Variants in STAB2 observed in about 807,000 individuals in gnomAD.
STAB2 encodes stabilin-2.
A neutral mutation model predicts 338.1 loss-of-function variants in STAB2; 288 were observed. The ratio of observed to expected loss-of-function variants is 0.85; its 90% CI spans 0.77 to 0.94. The LOEUF (loss-of-function observed/expected upper bound fraction) is 0.94, where lower values mean the gene tolerates loss of function less well. Among genes scored for constraint, STAB2 ranks in the 40% least tolerant of loss-of-function variants. The pLI is 0.00. For synonymous variants in STAB2, 1,202 were observed against 1,193.3 expected, an observed-to-expected ratio of 1.01 and a Z score of -0.15; for missense variants, 3,141 against 3,210.1, an observed-to-expected ratio of 0.98 and a Z score of 0.52.
At chr12:103,616,054 T>C (rs147688105) in intron 3 of STAB2, among the ~76,000 whole-genome samples, 401 of 152,322 alleles carry the variant, frequency 2.6e-3, no homozygotes, top group African/African-American at 9.3e-3. Context: ...CCAAACACCT[T>C]GTCCAGTGAA....
At position 103,733,196 on chromosome 12, in the gene STAB2, A is replaced by C. The variant is rs537554017; in HGVS notation, c.5460+14A>C. On this transcript the variant is annotated intron_variant, in intron 51 of 68. Coordinates refer to ENST00000388887, the MANE Select transcript of STAB2 (RefSeq NM_017564.10). ...CGAGATGCCAAGGTATTTAGTTTAC[A>C]TGCAGACATAAGTGCAAGAATGTCC... is the stretch of plus-strand genomic sequence containing the variant. 1 of 1,612,924 alleles carries C rather than the reference A, an allele frequency of 6.2e-7. No homozygotes were observed. Among genetic ancestry groups the C allele is most frequent in the Non-Finnish European group, 8.5e-7 (1 of 1,179,314 alleles).
intron 52 of STAB2, 123 bp downstream of exon 52, chr12:103,735,703 T>A: frequency 1.3e-6 from 1 of 752,404 alleles, no homozygotes; most frequent in Non-Finnish European, 2.1e-6. Context: ...GGGCTCATTT[T>A]TTTTCTCACT....
intron 36 of STAB2, 23 bp from the exon 37 acceptor site, chr12:103,705,609 A>G (rs780946468): frequency 6.2e-6 from 10 of 1,610,350 alleles, no homozygotes; most frequent in Non-Finnish European, 8.5e-6. Context: ...TTAGGAGCTG[A>G]CGTAGTCATT....
chr12:103,661,266 GT>G (rs1353099946), intron 17 of STAB2, among the ~76,000 whole-genome samples: 4 of 150,736 alleles, frequency 2.7e-5, no homozygotes, highest in Admixed American at 2.6e-4. Flanking sequence ...AGACCCTGAG[GT>G]CAGGGGAACA....
intron 55 of STAB2, among the ~76,000 whole-genome samples, chr12:103,741,582 T>C (rs1882588610): frequency 6.6e-6 from 1 of 152,198 alleles, no homozygotes; most frequent in Admixed American, 6.5e-5. Flanking sequence ...GCCTCTCAAG[T>C]AGCTGGGACT....
chr12:103,749,192 C>A (rs757426219), intron 59 of STAB2, 36 bp downstream of exon 59: 3 of 1,562,348 alleles, frequency 1.9e-6, no homozygotes, highest in South Asian at 1.2e-5. Context: ...TTGGGAGCAG[C>A]GCCGTGGGCT....
At chr12:103,757,060 A>G (rs1489132892) in intron 63 of STAB2, among the ~76,000 whole-genome samples, 1 of 147,328 alleles carries the variant, frequency 6.8e-6, no homozygotes, top group East Asian at 2.0e-4. Context: ...ATGTAAATAT[A>G]TATTTTAAAA....
At chr12:103,752,524 T>G (rs1883757048) in intron 60 of STAB2, among the ~76,000 whole-genome samples, 1 of 152,224 alleles carries the variant, frequency 6.6e-6, no homozygotes, top group South Asian at 2.1e-4. Flanking sequence ...AGGAAAGGTA[T>G]CAGCTATGAA....
At chr12:103,686,432 C>T (rs1877440016) in intron 27 of STAB2, among the ~76,000 whole-genome samples, 1 of 152,200 alleles carries the variant, frequency 6.6e-6, no homozygotes, top group African/African-American at 2.4e-5. Flanking sequence ...CACGACGTCC[C>T]TCTCCTCCCA....
intron 30 of STAB2, among the ~76,000 whole-genome samples, chr12:103,691,649 C>T (rs1877947097): frequency 6.6e-6 from 1 of 152,188 alleles, no homozygotes; most frequent in Non-Finnish European, 1.5e-5. Flanking sequence ...ATATCCCAGG[C>T]CCTACAGATT....
intron 3 of STAB2, among the ~76,000 whole-genome samples, chr12:103,613,515 C>A (rs186519209): frequency 6.6e-6 from 1 of 152,110 alleles, no homozygotes; most frequent in Non-Finnish European, 1.5e-5. Context: ...CCTGGTGTGC[C>A]GTTTGCTAAG....
rs976998924 is a variant in STAB2 at position 103,699,129 on chromosome 12, G to A, written c.3616G>A (p.Glu1206Lys). 2.5e-6 allele frequency: 4 copies of A among 1,611,960 alleles called. No individual in the cohort carries two copies. Among genetic ancestry groups the A allele is most frequent in the Non-Finnish European group, 2.5e-6 (3 of 1,178,500 alleles). The change falls in exon 34 of 69, where the codon GAG becomes AAG. Residue 1206 changes from glutamate to lysine, a missense_variant. Glu to Lys is a moderately conservative substitution (Grantham distance 56). Transcript: ENST00000388887. ...CGTCCTCCGGTATCATGTGGTCCTGGAGGAGAAACTCCTGAAGAATGACCT... is the reference window on the plus strand; with the variant it reads ...CGTCCTCCGGTATCATGTGGTCCTGAAGGAGAAACTCCTGAAGAATGACCT... ...EDVLRYHVVL[E>K]EKLLKNDLHN...
chr12:103,635,606 C>G (rs548388655), intron 6 of STAB2, among the ~76,000 whole-genome samples: 1 of 152,324 alleles, frequency 6.6e-6, no homozygotes, highest in Non-Finnish European at 1.5e-5. Context: ...GTTCGGTACT[C>G]CTCTCCTCAG....
At chr12:103,642,889 G>T (rs1268559553) in intron 9 of STAB2, among the ~76,000 whole-genome samples, 2 of 152,324 alleles carry the variant, frequency 1.3e-5, no homozygotes, top group Admixed American at 1.3e-4. Context: ...CATAGCAGGT[G>T]CAGATAAGCC....
chr12:103,680,593 T>C (rs1007086372), intron 25 of STAB2, among the ~76,000 whole-genome samples: 3 of 152,232 alleles, frequency 2.0e-5, no homozygotes, highest in South Asian at 2.1e-4. Context: ...TTGACTCAGA[T>C]TGAGTGCATC....
chr12:103,741,464 C>G (rs1882577582), intron 55 of STAB2, among the ~76,000 whole-genome samples: 1 of 152,056 alleles, frequency 6.6e-6, no homozygotes, highest in East Asian at 1.9e-4. Context: ...TCCCCACTGA[C>G]TTTTTTTGAG....
rs151309446 is a variant in STAB2 at position 103,699,172 on chromosome 12, G to T, written c.3659G>T (p.Arg1220Leu). ...LKNDLHNGMH[R>L]ETMLGFSYFL... is the part of the protein sequence containing the mutation. ...AATGACCTGCACAATGGCATGCATCGTGAGACCATGCTGGGTTTCTCCTAT... is the reference window on the plus strand; with the variant it reads ...AATGACCTGCACAATGGCATGCATCTTGAGACCATGCTGGGTTTCTCCTAT... Residue 1220 changes from arginine (R) to leucine (L), a missense_variant, in exon 34 of 69, where the codon CGT becomes CTT. By Grantham distance (102) the Arg-to-Leu change is moderately radical. Coordinates refer to ENST00000388887, the MANE Select transcript of STAB2 (RefSeq NM_017564.10). The T allele has an allele frequency of 1.2e-6, 2 of 1,613,292 alleles. No homozygotes were observed. Among genetic ancestry groups the T allele is most frequent in the East Asian group, 4.5e-5 (2 of 44,810 alleles).
rs55969354 is a variant in STAB2 at position 103,619,124 on chromosome 12, G to A, written c.332-1344G>A. ...TTCCTTTTTAAATTACCCGGTCTCA[G>A]GCATGTCTTTATTAGCAGCATGAGA... On this transcript the variant is annotated intron_variant, in intron 3 of 68. Transcript: ENST00000388887. Among the ~76,000 whole-genome samples, 724 of 152,288 alleles carry A rather than the reference G, an allele frequency of 4.8e-3. 7 individuals are homozygous for A. Among genetic ancestry groups the A allele is most frequent in the African/African-American group, 0.017 (694 of 41,558 alleles).
chr12:103,690,549 T>C lies in STAB2; in HGVS notation c.3297+11T>C, dbSNP rs765593986. ...GCAAAGGTGGATGGGGTAAGAGCTC[T>C]GGAATTTGTCTGTTTACTTGAAACA... On this transcript the variant is annotated intron_variant, in intron 30 of 68. Transcript: ENST00000388887. 40 of 1,606,270 alleles carry C rather than the reference T, an allele frequency of 2.5e-5. No homozygotes were observed. Among genetic ancestry groups the C allele is most frequent in the Non-Finnish European group, 3.4e-5 (40 of 1,176,026 alleles).
Sources: gnomAD v4.1 joint callset for allele counts (sites outside exome capture counted in the v4.1 genomes callset) on GRCh38, gnomAD v4.1.1 for gene constraint, MANE v1.5 for transcripts, NCBI Gene and HGNC (gene_info 2026-07-23, HGNC 2026-07-21) for gene names.